Variants in WIPF1 observed in about 807,000 individuals in gnomAD.
WIPF1 encodes the protein WAS/WASL interacting protein family member 1, also known as WAS/WASL-interacting protein family member 1.
In WIPF1, 13 loss-of-function variants were observed where a neutral mutation model predicts 35.4. The observed-to-expected ratio is 0.37, with a 90% CI of 0.24 to 0.58. The LOEUF (loss-of-function observed/expected upper bound fraction) is 0.58, where lower values mean the gene tolerates loss of function less well. WIPF1 is among the 20% of genes least tolerant of loss of function. The pLI is 0.74. For synonymous variants in WIPF1, 267 were observed against 266.3 expected (o/e 1.00, Z -0.02); for missense variants, 591 against 667.0 (o/e 0.89, Z 1.25).
intron 1 of WIPF1, among the ~76,000 whole-genome samples, chr2:174,644,522 T>A (rs1317785551): frequency 6.7e-6 from 1 of 149,872 alleles, no homozygotes; most frequent in East Asian, 2.0e-4. Context: ...ACCCACTGGC[T>A]ATGACATAAC....
chr2:174,573,268 T>C (rs1684933181), intron 4 of WIPF1, among the ~76,000 whole-genome samples: 1 of 47,254 alleles, frequency 2.1e-5, no homozygotes, highest in African/African-American at 6.7e-5. Context: ...TCAAGGTAAT[T>C]CTGAAAAAAA....
chr2:174,682,577 G>T (rs1688276114), intron 1 of WIPF1, among the ~76,000 whole-genome samples: 1 of 151,926 alleles, frequency 6.6e-6, no homozygotes, highest in Admixed American at 6.6e-5. Flanking sequence ...GCCTGGAATT[G>T]CGCCCCTCCC....
In WIPF1 at chr2:174,581,344, C is replaced by T. The variant is rs770996629; in HGVS notation, c.147G>A (p.Thr49=). The change falls in exon 3 of 8, where the codon ACG becomes ACA. Residue 49 remains threonine (T), a synonymous_variant. Coordinates refer to ENST00000679041, the MANE Select transcript of WIPF1 (RefSeq NM_001375834.1). The part of the protein sequence containing the change: ...DISKGKKLKK[T]VTNDRSAPIL... ...TTGGTGCACTTCTGTCATTGGTGACCGTCTTCTTTAGTTTCTTCCCTTTGC... is the reference window on the plus strand; with the variant it reads ...TTGGTGCACTTCTGTCATTGGTGACTGTCTTCTTTAGTTTCTTCCCTTTGC... 3.5e-5 allele frequency: 56 copies of T among 1,613,840 alleles called. No homozygotes were observed. Among genetic ancestry groups the T allele is most frequent in the East Asian group, 3.1e-4 (14 of 44,884 alleles).
chr2:174,668,975 T>C (rs1157830416), intron 1 of WIPF1, among the ~76,000 whole-genome samples: 1 of 152,176 alleles, frequency 6.6e-6, no homozygotes, highest in Admixed American at 6.5e-5. Flanking sequence ...ACCCTCAAAT[T>C]CCTCACCTGT....
intron 1 of WIPF1, among the ~76,000 whole-genome samples, chr2:174,588,293 G>A (rs1685489156): frequency 6.6e-6 from 1 of 152,162 alleles, no homozygotes; most frequent in African/African-American, 2.4e-5. Context: ...AATCCCTCAA[G>A]ACTATTTTGT....
chr2:174,613,686 T>C (rs1273667180), intron 1 of WIPF1, among the ~76,000 whole-genome samples: 1 of 152,138 alleles, frequency 6.6e-6, no homozygotes, highest in Admixed American at 6.5e-5. Flanking sequence ...TTCGTGCTAC[T>C]TGGTAAAAGA....
chr2:174,589,908 T>C (rs1188242077), intron 1 of WIPF1, among the ~76,000 whole-genome samples: 1 of 152,184 alleles, frequency 6.6e-6, no homozygotes, highest in Non-Finnish European at 1.5e-5. Flanking sequence ...TTTTATGCAT[T>C]TAAACGTAGA....
At chr2:174,652,743 G>A (rs1337607685) in intron 1 of WIPF1, among the ~76,000 whole-genome samples, 2 of 151,160 alleles carry the variant, frequency 1.3e-5, no homozygotes, top group Non-Finnish European at 2.9e-5. Flanking sequence ...AAGTACTGGG[G>A]ACTGAAGTTC....
chr2:174,682,199 C>T (rs1688263246), intron 1 of WIPF1, among the ~76,000 whole-genome samples: 1 of 152,226 alleles, frequency 6.6e-6, no homozygotes, highest in South Asian at 2.1e-4. Flanking sequence ...GACGCAGACC[C>T]CTAACGCGCG....
At chr2:174,665,894 G>C (rs1687880951) in intron 1 of WIPF1, among the ~76,000 whole-genome samples, 1 of 152,202 alleles carries the variant, frequency 6.6e-6, no homozygotes, top group South Asian at 2.1e-4. Context: ...TGTCATTCAA[G>C]TGGAGGAATG....
At chr2:174,606,908 C>T (rs554713556) in intron 1 of WIPF1, among the ~76,000 whole-genome samples, 10 of 152,146 alleles carry the variant, frequency 6.6e-5, no homozygotes, top group African/African-American at 9.7e-5. Context: ...AGGCCAGATA[C>T]GGTTCTGGAT....
At chr2:174,665,092 A>T (rs924154822) in intron 1 of WIPF1, 1 of 152,190 alleles carries the variant, frequency 6.6e-6, no homozygotes, top group Non-Finnish European at 1.5e-5. Context: ...AGATTTATTG[A>T]ATACTTATTA....
intron 1 of WIPF1, among the ~76,000 whole-genome samples, chr2:174,668,805 A>G (rs1174255374): frequency 1.3e-5 from 2 of 152,254 alleles, no homozygotes; most frequent in Admixed American, 6.5e-5. Context: ...GTGGTCAGTC[A>G]GCTGCCTGAA....
chr2:174,654,796 C>A (rs142168867), intron 1 of WIPF1, among the ~76,000 whole-genome samples: 1 of 152,122 alleles, frequency 6.6e-6, no homozygotes, highest in Admixed American at 6.5e-5. Flanking sequence ...AACCCACCAA[C>A]CCCAGTCCTG....
intron 2 of WIPF1, among the ~76,000 whole-genome samples, chr2:174,585,169 G>C (rs977906668): frequency 1.3e-5 from 2 of 152,196 alleles, no homozygotes; most frequent in African/African-American, 4.8e-5. Context: ...AGAAGTTAAA[G>C]GCCAGACATT....
At chr2:174,612,265 TTTTC>T (rs1385733447) in intron 1 of WIPF1, among the ~76,000 whole-genome samples, 19 of 152,282 alleles carry the variant, frequency 1.2e-4, no homozygotes, top group South Asian at 4.1e-4. Context: ...TTTCCAGTGT[TTTTC>T]TTTCTTTTTG....
At chr2:174,625,258 G>C (rs1574844400) in intron 1 of WIPF1, among the ~76,000 whole-genome samples, 1 of 151,784 alleles carries the variant, frequency 6.6e-6, no homozygotes, top group African/African-American at 2.4e-5. Context: ...ACAGGATACA[G>C]GCCTAAGAAA....
intron 1 of WIPF1, among the ~76,000 whole-genome samples, chr2:174,663,330 A>C (rs897191831): frequency 3.7e-4 from 57 of 152,244 alleles, no homozygotes; most frequent in African/African-American, 1.3e-3. Context: ...TTGGCAGAGA[A>C]GGAACCAATA....
intron 1 of WIPF1, among the ~76,000 whole-genome samples, chr2:174,614,503 CGTAA>C (rs1453473596): frequency 2.2e-4 from 33 of 152,134 alleles, no homozygotes; most frequent in African/African-American, 5.8e-4. Flanking sequence ...GATTTAACTA[CGTAA>C]GTGAGAAAAA....
Sources: allele counts gnomAD v4.1 joint callset (sites outside exome capture counted in the v4.1 genomes callset), GRCh38; gene constraint gnomAD v4.1.1; transcripts MANE v1.5; gene names NCBI Gene and HGNC (gene_info 2026-07-23, HGNC 2026-07-21).